The following ERBB4 variants were observed in gnomAD, a reference collection of about 807,000 sequenced individuals.
ERBB4 encodes erb-b2 receptor tyrosine kinase 4, also known as receptor tyrosine-protein kinase erbB-4.
ERBB4 carries 42 observed loss-of-function variants against 158.0 expected under a neutral mutation model. That is an observed-to-expected ratio of 0.27 (90% CI 0.21 to 0.34). The LOEUF (loss-of-function observed/expected upper bound fraction) is 0.34. ERBB4 is among the 10% of genes least tolerant of loss of function. The pLI, the probability that ERBB4 is intolerant of heterozygous loss-of-function variation, is 1.00. For synonymous variants in ERBB4, 583 were observed against 558.7 expected (o/e 1.04, Z -0.61); for missense variants, 1,333 against 1,624.1 (o/e 0.82, Z 3.08).
At chr2:212,355,259 A>G (rs1254885210) in intron 1 of ERBB4, among the ~76,000 whole-genome samples, 1 of 152,098 alleles carries the variant, frequency 6.6e-6, no homozygotes, top group Non-Finnish European at 1.5e-5. Context: ...ATCAAGAATA[A>G]TAACAGTTTA....
intron 1 of ERBB4, among the ~76,000 whole-genome samples, chr2:212,286,112 A>G (rs1384090513): frequency 6.6e-6 from 1 of 152,160 alleles, no homozygotes; most frequent in Admixed American, 6.6e-5. Context: ...AATCTTACTG[A>G]GACCGAGATT....
intron 4 of ERBB4, among the ~76,000 whole-genome samples, chr2:211,758,280 GA>G (rs2075330422): frequency 6.6e-6 from 1 of 152,120 alleles, no homozygotes; most frequent in African/African-American, 2.4e-5. Context: ...CATGCCTTCA[GA>G]ATGCTTTAGG....
rs2073272895 is a variant in ERBB4 at position 211,702,026 on chromosome 2, A to T, written c.1430T>A (p.Leu477His). 6.2e-7 allele frequency: 1 copy of T among 1,614,000 alleles called. No individual in the cohort carries two copies. Among genetic ancestry groups the T allele is most frequent in the Non-Finnish European group, 8.5e-7 (1 of 1,179,926 alleles). The change falls in exon 12 of 28, where the codon CTC (leucine) becomes CAC (histidine). Residue 477 changes from leucine (L) to histidine (H), a missense_variant. Physicochemically the swap from Leu to His is moderately conservative, Grantham distance 99. Transcript: ENST00000342788. The stretch of plus-strand genomic sequence containing the variant: ...TATTCTCTGGTTGATTGTGCTGAAG[A>T]GTGTTGTCCAGTTAATGGTATGATA... ...CYYHTINWTT[L>H]FSTINQRIVI...
chr2:211,924,170 G>A (rs7603039), intron 3 of ERBB4, among the ~76,000 whole-genome samples: 118,636 of 152,162 alleles, frequency 0.78, 46,527 homozygotes, highest in Non-Finnish European at 0.81. Context: ...CCCTGTGGCA[G>A]CTATGGACAT....
intron 3 of ERBB4, among the ~76,000 whole-genome samples, chr2:211,917,331 G>A (rs1241512713): frequency 4.6e-5 from 7 of 151,950 alleles, no homozygotes; most frequent in South Asian, 2.1e-4. Flanking sequence ...AAAAAATGAC[G>A]TATTTTCCCG....
At chr2:211,829,869 A>G (rs1014368632) in intron 3 of ERBB4, among the ~76,000 whole-genome samples, 1 of 152,218 alleles carries the variant, frequency 6.6e-6, no homozygotes, top group Non-Finnish European at 1.5e-5. Context: ...TATCATAAAA[A>G]ATTATAAATG....
At chr2:211,638,718 G>A (rs1407516295) in intron 16 of ERBB4, among the ~76,000 whole-genome samples, 1 of 152,084 alleles carries the variant, frequency 6.6e-6, no homozygotes, top group Non-Finnish European at 1.5e-5. Flanking sequence ...CGATAACACA[G>A]TGTTGCAAAA....
intron 1 of ERBB4, among the ~76,000 whole-genome samples, chr2:212,256,389 G>T (rs949184025): frequency 6.6e-6 from 1 of 152,008 alleles, no homozygotes; most frequent in African/African-American, 2.4e-5. Context: ...AATCATATCA[G>T]TTGCCTCTTG....
chr2:212,201,368 G>A (rs536607285), intron 1 of ERBB4, among the ~76,000 whole-genome samples: 2 of 152,200 alleles, frequency 1.3e-5, no homozygotes, highest in African/African-American at 2.4e-5. Context: ...GTTTATTTTA[G>A]CATTGATTCC....
intron 1 of ERBB4, among the ~76,000 whole-genome samples, chr2:212,281,553 T>C (rs556722449): frequency 7.2e-5 from 11 of 151,940 alleles, no homozygotes; most frequent in Admixed American, 2.6e-4. Flanking sequence ...TCTAGCTCTC[T>C]GTGTTCCAGC....
At chr2:211,583,699 C>A (rs2068175627) in intron 19 of ERBB4, among the ~76,000 whole-genome samples, 1 of 151,010 alleles carries the variant, frequency 6.6e-6, no homozygotes, top group South Asian at 2.1e-4. Flanking sequence ...GTAATGAAAT[C>A]TAGTAAAATA....
chr2:212,291,446 T>G (rs1351538488), intron 1 of ERBB4, among the ~76,000 whole-genome samples: 3 of 152,154 alleles, frequency 2.0e-5, no homozygotes, highest in Admixed American at 1.3e-4. Flanking sequence ...CAATTTGCAT[T>G]AAAATTAAGT....
chr2:211,732,008 T>A (rs79623873), intron 5 of ERBB4, among the ~76,000 whole-genome samples: 5,901 of 151,446 alleles, frequency 0.039, 326 homozygotes, highest in East Asian at 0.23. Context: ...GTCAGAAAAT[T>A]CATTTTTTTT....
chr2:212,397,001 G>A (rs1162591608), intron 1 of ERBB4, among the ~76,000 whole-genome samples: 1 of 152,008 alleles, frequency 6.6e-6, no homozygotes, highest in African/African-American at 2.4e-5. Context: ...TTTAATGACT[G>A]TATATTAATC....
chr2:211,987,016 T>G (rs77555056), intron 2 of ERBB4, among the ~76,000 whole-genome samples: 4,869 of 152,106 alleles, frequency 0.032, 79 homozygotes, highest in African/African-American at 0.048. Context: ...GTTCCAGTCA[T>G]AAATGTAAAG....
At chr2:211,891,677 A>T (rs1484895734) in intron 3 of ERBB4, among the ~76,000 whole-genome samples, 1 of 129,982 alleles carries the variant, frequency 7.7e-6, no homozygotes, top group Non-Finnish European at 1.6e-5. Context: ...AATAAAGAAA[A>T]AAAGAGAGAA....
chr2:212,506,392 T>C (rs1411288686), intron 1 of ERBB4, among the ~76,000 whole-genome samples: 1 of 124,392 alleles, frequency 8.0e-6, no homozygotes, highest in African/African-American at 2.5e-5. Flanking sequence ...AATGATTAAG[T>C]TTAGCAAGGA....
intron 4 of ERBB4, among the ~76,000 whole-genome samples, chr2:211,774,807 T>A (rs983926721): frequency 5.9e-5 from 9 of 152,202 alleles, no homozygotes; most frequent in Admixed American, 2.0e-4. Flanking sequence ...TTTATTAATA[T>A]TGGGCTGTTA....
chr2:212,474,948 C>T (rs1284151099), intron 1 of ERBB4, among the ~76,000 whole-genome samples: 1 of 151,062 alleles, frequency 6.6e-6, no homozygotes, highest in Non-Finnish European at 1.5e-5. Context: ...CACCTCCATG[C>T]CCAGCTATTG....
Sources: gnomAD v4.1 joint callset for allele counts (sites outside exome capture counted in the v4.1 genomes callset) on GRCh38, gnomAD v4.1.1 for gene constraint, MANE v1.5 for transcripts, NCBI Gene and HGNC (gene_info 2026-07-23, HGNC 2026-07-21) for gene names.